AUTS2: variants seen among roughly 807,000 people sequenced by gnomAD.
AUTS2 encodes autism susceptibility gene 2 protein.
In AUTS2, 17 loss-of-function variants were observed where a neutral mutation model predicts 112.4. That is an observed-to-expected ratio of 0.15 (90% CI 0.10 to 0.23). The LOEUF is 0.23. Ranked by LOEUF, AUTS2 falls within the 10% of genes least tolerant of loss-of-function variation. The probability of loss-of-function intolerance (pLI) is 1.00; values close to 1 mark genes in which losing one functional copy is unlikely to be tolerated. For synonymous variants in AUTS2, 751 were observed against 702.7 expected (o/e 1.07, Z -1.09); for missense variants, 1,510 against 1,701.6 (o/e 0.89, Z 1.98).
chr7:69,839,014 C>G (rs567406447), intron 1 of AUTS2, among the ~76,000 whole-genome samples: 54 of 152,234 alleles, frequency 3.5e-4, no homozygotes, highest in Non-Finnish European at 8.8e-5. Context: ...TCTCTGCCTC[C>G]GTACCCATTG....
chr7:70,047,537 G>T (rs1205762579), intron 2 of AUTS2, among the ~76,000 whole-genome samples: 1 of 152,214 alleles, frequency 6.6e-6, no homozygotes, highest in Non-Finnish European at 1.5e-5. Flanking sequence ...TTCATAAAGA[G>T]CATGACTTGG....
intron 2 of AUTS2, among the ~76,000 whole-genome samples, chr7:69,953,188 G>T (rs1289247302): frequency 2.0e-5 from 3 of 152,128 alleles, no homozygotes. Context: ...ACTGGAGAAT[G>T]GTGGGGTGTG....
chr7:70,542,721 G>A lies in AUTS2; in HGVS notation c.690+106940G>A, dbSNP rs374906001. 9.9e-5 allele frequency among the ~76,000 whole-genome samples: 15 copies of A among 152,276 alleles called. 1 individual carries two copies. Among genetic ancestry groups the A allele is most frequent in the East Asian group, 5.8e-4 (3 of 5,180 alleles). The stretch of plus-strand genomic sequence containing the variant: ...ATTCTTGTTCCCATTTAGCAGATGG[G>A]GCTCAAAGAGTAGAAGAGACGTGCC... On this transcript the variant is annotated intron_variant, in intron 5 of 18. Coordinates refer to ENST00000342771, the MANE Select transcript of AUTS2 (RefSeq NM_015570.4).
rs770820862 is a variant in AUTS2 at position 70,789,784 on chromosome 7, A to T, written c.2568A>T (p.Ser856=). 3.1e-6 allele frequency: 5 copies of T among 1,613,826 alleles called. No homozygotes were observed. The highest frequency in any genetic ancestry group is 4.2e-6 in the Non-Finnish European group (5 of 1,179,902). ...AGAAGAGACACTCCAGCCACCCTTCACCAGCACCTGTCCTCCCGGTGAATG... is the reference window on the plus strand; with the variant it reads ...AGAAGAGACACTCCAGCCACCCTTCTCCAGCACCTGTCCTCCCGGTGAATG... ...SVEKRHSSHP[S]PAPVLPVNAL... The change falls in exon 19 of 19, where the codon TCA becomes TCT. Residue 856 remains serine, a synonymous_variant. Transcript: ENST00000342771.
At chr7:70,658,782 C>A (rs956545386) in intron 5 of AUTS2, among the ~76,000 whole-genome samples, 1 of 152,148 alleles carries the variant, frequency 6.6e-6, no homozygotes, top group Non-Finnish European at 1.5e-5. Flanking sequence ...TTTCTTATTT[C>A]GGGTGCGAGG....
At chr7:70,151,518 A>G (rs917024196) in intron 4 of AUTS2, among the ~76,000 whole-genome samples, 18 of 152,168 alleles carry the variant, frequency 1.2e-4, no homozygotes, top group African/African-American at 4.1e-4. Context: ...TTGTTGCCCA[A>G]GCTGGAGTGC....
chr7:69,786,067 G>A (rs1789359112), intron 1 of AUTS2, among the ~76,000 whole-genome samples: 1 of 152,140 alleles, frequency 6.6e-6, no homozygotes, highest in Admixed American at 6.5e-5. Context: ...CCTGACCTCA[G>A]GGTGAGAGGT....
At chr7:70,088,209 C>T (rs575508740) in intron 2 of AUTS2, among the ~76,000 whole-genome samples, 46 of 151,996 alleles carry the variant, frequency 3.0e-4, no homozygotes, top group African/African-American at 9.2e-4. Context: ...CTGCAAGTTC[C>T]ACCTCCTGGG....
At chr7:69,792,309 T>A (rs1020329059) in intron 1 of AUTS2, among the ~76,000 whole-genome samples, 1 of 151,650 alleles carries the variant, frequency 6.6e-6, no homozygotes, top group South Asian at 2.1e-4. Flanking sequence ...GCGCAATCTC[T>A]GCTCACTGCA....
intron 4 of AUTS2, among the ~76,000 whole-genome samples, chr7:70,294,826 T>C (rs1788859664): frequency 6.6e-6 from 1 of 152,166 alleles, no homozygotes; most frequent in Admixed American, 6.5e-5. Flanking sequence ...CTCCGTTAAA[T>C]AGGAAATGCA....
At chr7:69,954,732 G>T (rs1003624196) in intron 2 of AUTS2, among the ~76,000 whole-genome samples, 4 of 152,206 alleles carry the variant, frequency 2.6e-5, no homozygotes, top group African/African-American at 9.7e-5. Flanking sequence ...TCATAAAGCT[G>T]GTCAGTGGCC....
chr7:69,957,881 G>A (rs1354552580), intron 2 of AUTS2, among the ~76,000 whole-genome samples: 1 of 152,126 alleles, frequency 6.6e-6, no homozygotes, highest in African/African-American at 2.4e-5. Flanking sequence ...CTACACTAGG[G>A]CACATGGTTT....
chr7:70,734,770 T>G (rs914172903), intron 6 of AUTS2, among the ~76,000 whole-genome samples: 1 of 152,192 alleles, frequency 6.6e-6, no homozygotes, highest in African/African-American at 2.4e-5. Flanking sequence ...ATTGCCTTTG[T>G]AAGATTCTTA....
intron 5 of AUTS2, among the ~76,000 whole-genome samples, chr7:70,500,966 G>A (rs926053777): frequency 2.0e-5 from 3 of 151,920 alleles, no homozygotes; most frequent in Non-Finnish European, 4.4e-5. Flanking sequence ...CAGGTGATCC[G>A]CCCGCCTCAG....
At chr7:70,012,617 T>G (rs189684967) in intron 2 of AUTS2, among the ~76,000 whole-genome samples, 77 of 152,336 alleles carry the variant, frequency 5.1e-4, no homozygotes, top group African/African-American at 1.7e-3. Flanking sequence ...TCTCCCTTGA[T>G]CTTTTCATTA....
intron 6 of AUTS2, among the ~76,000 whole-genome samples, chr7:70,739,949 C>G (rs1206806968): frequency 3.9e-5 from 6 of 152,130 alleles, no homozygotes; most frequent in Non-Finnish European, 7.4e-5. Flanking sequence ...AGCAGTATTC[C>G]CGGCCCTCCT....
chr7:70,523,758 C>G (rs111923935), intron 5 of AUTS2, among the ~76,000 whole-genome samples: 1 of 152,124 alleles, frequency 6.6e-6, no homozygotes, highest in Non-Finnish European at 1.5e-5. Flanking sequence ...TACAACGCAC[C>G]GTGCCCCACA....
At chr7:69,969,649 T>C (rs1021263695) in intron 2 of AUTS2, among the ~76,000 whole-genome samples, 5 of 152,200 alleles carry the variant, frequency 3.3e-5, no homozygotes, top group Non-Finnish European at 7.4e-5. Context: ...AGGGACAGCA[T>C]TGATAACAAA....
chr7:69,653,581 C>A (rs1795385003), intron 1 of AUTS2, among the ~76,000 whole-genome samples: 1 of 151,636 alleles, frequency 6.6e-6, no homozygotes, highest in African/African-American at 2.4e-5. Context: ...TCTAAGTGTA[C>A]TAAGAATTAC....
Sources: gnomAD v4.1 joint callset for allele counts (sites outside exome capture counted in the v4.1 genomes callset) on GRCh38, gnomAD v4.1.1 for gene constraint, MANE v1.5 for transcripts, NCBI Gene and HGNC (gene_info 2026-07-23, HGNC 2026-07-21) for gene names.